Variants in VPS39 observed in about 807,000 individuals in gnomAD.
VPS39 encodes VPS39 subunit of HOPS complex, also known as vam6/Vps39-like protein.
Under a neutral mutation model 121.0 loss-of-function variants are expected in VPS39, and 70 were observed. The ratio of observed to expected loss-of-function variants is 0.58; its 90% CI spans 0.48 to 0.71. The LOEUF (loss-of-function observed/expected upper bound fraction) is 0.71, where lower values mean the gene tolerates loss of function less well. Ranked by LOEUF, VPS39 falls within the 30% of genes least tolerant of loss-of-function variation. VPS39 has a pLI of 0.00. For missense variants in VPS39, 818 were observed against 1,051.5 expected, an observed-to-expected ratio of 0.78 and a Z score of 3.07; for synonymous variants, 378 against 398.1, an observed-to-expected ratio of 0.95 and a Z score of 0.60.
intron 10 of VPS39, among the ~76,000 whole-genome samples, chr15:42,176,196 TGAACTAG>T (rs2049447913): frequency 6.6e-6 from 1 of 152,128 alleles, no homozygotes; most frequent in Admixed American, 6.5e-5. Flanking sequence ...TTAAACAACC[TGAACTAG>T]GAAGATCACT....
chr15:42,195,133 T>C (rs911428956), intron 2 of VPS39, among the ~76,000 whole-genome samples: 1 of 151,990 alleles, frequency 6.6e-6, no homozygotes, highest in Non-Finnish European at 1.5e-5. Flanking sequence ...ATCTAAGCCC[T>C]CTCAGTTCAA....
intron 4 of VPS39, among the ~76,000 whole-genome samples, chr15:42,190,040 C>T (rs1183804577): frequency 6.6e-6 from 1 of 152,086 alleles, no homozygotes; most frequent in Non-Finnish European, 1.5e-5. Flanking sequence ...GTCTCAAACT[C>T]CTGGACTCAA....
chr15:42,178,118 T>A (rs767079857), intron 10 of VPS39, 100 bp downstream of exon 10: 1 of 1,533,240 alleles, frequency 6.5e-7, no homozygotes, highest in Non-Finnish European at 8.9e-7. Flanking sequence ...TTCAGCTATG[T>A]GCTTATTCTA....
intron 7 of VPS39, among the ~76,000 whole-genome samples, 155 bp downstream of exon 7, chr15:42,187,116 A>G (rs2049719402): frequency 1.3e-5 from 2 of 152,238 alleles, no homozygotes; most frequent in African/African-American, 4.8e-5. Context: ...CTATTTGTGA[A>G]AAATGCTGAG....
chr15:42,186,182 A>C (rs930515244), intron 7 of VPS39, among the ~76,000 whole-genome samples: 15 of 152,118 alleles, frequency 9.9e-5, no homozygotes, highest in African/African-American at 2.7e-4. Flanking sequence ...CTGTAATCTC[A>C]GCACTTTGGG....
chr15:42,190,372 C>G (rs1333643151), intron 4 of VPS39, among the ~76,000 whole-genome samples: 1 of 152,146 alleles, frequency 6.6e-6, no homozygotes, highest in Non-Finnish European at 1.5e-5. Flanking sequence ...GACCCAGGAA[C>G]AACATTTAAC....
chr15:42,173,498 T>C, intron 11 of VPS39: 1 of 448,472 alleles, frequency 2.2e-6, no homozygotes, highest in Non-Finnish European at 3.9e-6. Context: ...CATATCATAC[T>C]GGAAAATTGG....
chr15:42,162,284 C>G, intron 22 of VPS39, 48 bp downstream of exon 22: 1 of 1,595,976 alleles, frequency 6.3e-7, no homozygotes, highest in Non-Finnish European at 8.6e-7. Flanking sequence ...TCTTCTCATT[C>G]GGTGCTCCCT....
chr15:42,167,573 T>C, intron 12 of VPS39, 36 bp from the exon 13 acceptor site: 1 of 1,607,038 alleles, frequency 6.2e-7, no homozygotes, highest in East Asian at 2.2e-5. Flanking sequence ...AGGCCAGGAC[T>C]AAGTCTTCCT....
chr15:42,170,741 A>ATTTTTTTTTTTTTTTTTT (rs869280235), intron 11 of VPS39, among the ~76,000 whole-genome samples: 1 of 50,472 alleles, frequency 2.0e-5, no homozygotes. Context: ...ATGCTCGCAG[A>ATTTTTTTTTTTTTTTTTT]TTTTTTTTTT....
chr15:42,183,101 TTTTTG>T (rs2049618663), intron 8 of VPS39, among the ~76,000 whole-genome samples: 1 of 147,688 alleles, frequency 6.8e-6, no homozygotes, highest in Non-Finnish European at 1.5e-5. Flanking sequence ...CATGATGTGT[TTTTTG>T]TTTTTTTTTT....
intron 10 of VPS39, among the ~76,000 whole-genome samples, chr15:42,175,489 T>G (rs966030890): frequency 6.6e-6 from 1 of 152,140 alleles, no homozygotes; most frequent in African/African-American, 2.4e-5. Context: ...CTATTCTCAG[T>G]AAAAGCTAAA....
chr15:42,184,717 A>G lies in VPS39; in HGVS notation c.535-17T>C. ...TCCATCCACCTATAGGAAGAAACAG[A>G]GTGAGTCACCTAGCATTCCCCAGCC... is the stretch of plus-strand genomic sequence containing the variant. On this transcript the variant is annotated splice_polypyrimidine_tract_variant and intron_variant, in intron 7 of 24. Transcript: ENST00000318006. 1 of 1,598,996 alleles carries G rather than the reference A, an allele frequency of 6.3e-7. No individual in the cohort carries two copies. Among genetic ancestry groups the G allele is most frequent in the Non-Finnish European group, 8.5e-7 (1 of 1,173,096 alleles).
intron 16 of VPS39, 48 bp downstream of exon 16, chr15:42,166,111 C>A (rs2140839183): frequency 1.3e-6 from 2 of 1,564,488 alleles, no homozygotes; most frequent in Non-Finnish European, 1.8e-6. Context: ...CAAGTGCAAT[C>A]AGAACCAAGT....
At chr15:42,200,383 T>C (rs2050042546) in intron 1 of VPS39, among the ~76,000 whole-genome samples, 2 of 152,124 alleles carry the variant, frequency 1.3e-5, no homozygotes, top group African/African-American at 4.8e-5. Flanking sequence ...TGATGAAAGT[T>C]TATAAAATCA....
chr15:42,164,433 G>T lies in VPS39; in HGVS notation c.1951C>A (p.Gln651Lys). 1 of 1,614,180 alleles carries T rather than the reference G, an allele frequency of 6.2e-7. No individual in the cohort carries two copies. The highest frequency in any genetic ancestry group is 8.5e-7 in the Non-Finnish European group (1 of 1,180,008). ...EEEGELGEYR[Q>K]KLLMFLEISS... ...ATCTCCAAGAACATGAGGAGCTTTT[G>T]CCGGTATTCTCCCAGCTCACCCTCT... The change falls in exon 19 of 25, where the codon CAA (glutamine) becomes AAA (lysine). Residue 651 changes from glutamine (Q) to lysine (K), a missense_variant. Gln to Lys is a moderately conservative substitution (Grantham distance 53). Coordinates refer to ENST00000318006, the MANE Select transcript of VPS39 (RefSeq NM_015289.5).
intron 10 of VPS39, among the ~76,000 whole-genome samples, chr15:42,176,745 C>T (rs1490077037): frequency 6.6e-6 from 1 of 152,068 alleles, no homozygotes; most frequent in East Asian, 1.9e-4. Flanking sequence ...CACGAGTAGC[C>T]ACCATAGGTA....
chr15:42,170,337 T>C (rs1034508321), intron 11 of VPS39, among the ~76,000 whole-genome samples: 1 of 152,146 alleles, frequency 6.6e-6, no homozygotes, highest in African/African-American at 2.4e-5. Context: ...AGAACACATG[T>C]CTACAAAAAA....
At chr15:42,206,583 G>A (rs908537418) in intron 1 of VPS39, among the ~76,000 whole-genome samples, 1 of 152,186 alleles carries the variant, frequency 6.6e-6, no homozygotes, top group African/African-American at 2.4e-5. Context: ...GGATTCTGAC[G>A]AGCTAAGTCA....
Sources: allele counts gnomAD v4.1 joint callset (sites outside exome capture counted in the v4.1 genomes callset), GRCh38; gene constraint gnomAD v4.1.1; transcripts MANE v1.5; gene names NCBI Gene and HGNC (gene_info 2026-07-23, HGNC 2026-07-21).